L3MBTL4: variants seen among roughly 807,000 people sequenced by gnomAD.
The protein encoded by L3MBTL4 is L3MBTL histone methyl-lysine binding protein 4, also known as lethal(3)malignant brain tumor-like protein 4.
L3MBTL4 carries 70 observed loss-of-function variants against 84.5 expected under a neutral mutation model. The observed-to-expected ratio is 0.83, with a 90% confidence interval of 0.68 to 1.01. L3MBTL4 has a LOEUF of 1.01. Ranked by LOEUF, L3MBTL4 falls within the 50% of genes least tolerant of loss-of-function variation. The pLI is 0.00. For synonymous variants in L3MBTL4, 274 were observed against 259.8 expected (o/e 1.05, Z -0.52); for missense variants, 715 against 754.8 (o/e 0.95, Z 0.62).
chr18:6,049,941 C>T (rs1027738040), intron 16 of L3MBTL4, among the ~76,000 whole-genome samples: 19 of 152,188 alleles, frequency 1.2e-4, no homozygotes, highest in African/African-American at 4.3e-4. Flanking sequence ...ACAGAGCACA[C>T]CTCTGCAATT....
chr18:6,400,403 A>G (rs1250867529), intron 1 of L3MBTL4, among the ~76,000 whole-genome samples: 1 of 152,082 alleles, frequency 6.6e-6, no homozygotes, highest in African/African-American at 2.4e-5. Flanking sequence ...CCAAAAATCC[A>G]TGGGTTAGGT....
chr18:6,159,765 T>C (rs1051022210), intron 13 of L3MBTL4, among the ~76,000 whole-genome samples: 3 of 152,150 alleles, frequency 2.0e-5, no homozygotes, highest in Non-Finnish European at 2.9e-5. Flanking sequence ...ACTTTATATA[T>C]ACCCTGGTGA....
chr18:6,144,726 G>A (rs1033242348), intron 13 of L3MBTL4, among the ~76,000 whole-genome samples: 20 of 152,178 alleles, frequency 1.3e-4, no homozygotes, highest in African/African-American at 3.1e-4. Context: ...TAACAGGACC[G>A]AAGGGAAAGG....
At chr18:5,982,300 G>A (rs375129937) in intron 16 of L3MBTL4, among the ~76,000 whole-genome samples, 9 of 152,152 alleles carry the variant, frequency 5.9e-5, no homozygotes, top group African/African-American at 1.9e-4. Context: ...CTTGATAGAC[G>A]GCCTAAACAA....
chr18:6,063,741 A>G (rs1447098385), intron 16 of L3MBTL4, among the ~76,000 whole-genome samples: 3 of 151,938 alleles, frequency 2.0e-5, no homozygotes, highest in African/African-American at 7.2e-5. Context: ...AGTACCCTGT[A>G]AATTCTGGAT....
intron 13 of L3MBTL4, among the ~76,000 whole-genome samples, chr18:6,141,718 C>T (rs1017139116): frequency 6.6e-6 from 1 of 152,178 alleles, no homozygotes; most frequent in Non-Finnish European, 1.5e-5. Flanking sequence ...CTGGCCTAAT[C>T]CAAAGCCATC....
intron 1 of L3MBTL4, among the ~76,000 whole-genome samples, chr18:6,337,947 T>C (rs951298126): frequency 6.6e-6 from 1 of 151,874 alleles, no homozygotes; most frequent in South Asian, 2.1e-4. Flanking sequence ...CAATAAGACA[T>C]AGAGCTGACT....
At chr18:6,398,539 G>T (rs2055372161) in intron 1 of L3MBTL4, among the ~76,000 whole-genome samples, 1 of 152,122 alleles carries the variant, frequency 6.6e-6, no homozygotes, top group Admixed American at 6.5e-5. Context: ...CATCACAGAG[G>T]CAAAGAAAGG....
chr18:6,024,630 A>G (rs1002841432), intron 16 of L3MBTL4, among the ~76,000 whole-genome samples: 5 of 152,246 alleles, frequency 3.3e-5, no homozygotes, highest in African/African-American at 9.6e-5. Flanking sequence ...CTAATTAATT[A>G]CTGCTGGTCA....
intron 1 of L3MBTL4, among the ~76,000 whole-genome samples, chr18:6,346,458 T>C (rs113436270): frequency 0.011 from 1,638 of 152,044 alleles, 39 homozygotes; most frequent in African/African-American, 0.037. Context: ...AAGGGGCTAA[T>C]ATACAAAATA....
intron 1 of L3MBTL4, chr18:6,397,397 G>C (rs2055317896): frequency 6.6e-6 from 1 of 152,078 alleles, no homozygotes; most frequent in African/African-American, 2.4e-5. Context: ...AATTTGTTTT[G>C]TTAATAGTTC....
intron 1 of L3MBTL4, among the ~76,000 whole-genome samples, chr18:6,381,552 G>A (rs146241819): frequency 7.7e-4 from 117 of 152,294 alleles, no homozygotes; most frequent in African/African-American, 2.6e-3. Context: ...CTCAGCATTT[G>A]CTTGTCTGTA....
At chr18:6,169,805 C>G (rs7238261) in intron 13 of L3MBTL4, among the ~76,000 whole-genome samples, 11,020 of 151,692 alleles carry the variant, frequency 0.073, 1,351 homozygotes, top group African/African-American at 0.25. Context: ...TTGTGCACAT[C>G]TACCCTAAAA....
rs572959052 is a variant in L3MBTL4 at position 6,046,063 on chromosome 18, A to C, written c.1444+34818T>G. Among the ~76,000 whole-genome samples, 8 of 152,176 alleles carry C rather than the reference A, an allele frequency of 5.3e-5. No individual in the cohort carries two copies. The East Asian group carries it at 1.5e-3, about 29-fold the overall frequency. ...GAAAGATCTATCATGCAAGCAGGAA[A>C]CAAAAATAATATAAGAATAGCAGAG... On this transcript the variant is annotated intron_variant, in intron 16 of 18. Transcript: ENST00000317931.
chr18:6,269,107 T>A (rs1050707931), intron 4 of L3MBTL4, among the ~76,000 whole-genome samples: 1 of 152,170 alleles, frequency 6.6e-6, no homozygotes, highest in Non-Finnish European at 1.5e-5. Context: ...CACCATAAAA[T>A]TAAGTTTGCA....
chr18:6,018,459 C>G (rs1308514964), intron 16 of L3MBTL4, among the ~76,000 whole-genome samples: 1 of 152,142 alleles, frequency 6.6e-6, no homozygotes. Context: ...GACACCAACC[C>G]CTTTTCCTAC....
At chr18:6,051,969 A>G (rs2056858312) in intron 16 of L3MBTL4, among the ~76,000 whole-genome samples, 1 of 152,190 alleles carries the variant, frequency 6.6e-6, no homozygotes, top group Non-Finnish European at 1.5e-5. Context: ...TCCCATCAGT[A>G]GAGACTCTGT....
At chr18:5,971,289 G>A in intron 16 of L3MBTL4, among the ~76,000 whole-genome samples, 1 of 152,238 alleles carries the variant, frequency 6.6e-6, no homozygotes. Flanking sequence ...TGCAGTTGCA[G>A]TGACACAGAA....
At chr18:6,052,488 C>T (rs902725281) in intron 16 of L3MBTL4, among the ~76,000 whole-genome samples, 2 of 152,182 alleles carry the variant, frequency 1.3e-5, no homozygotes, top group Admixed American at 1.3e-4. Context: ...TGAATCAGTA[C>T]TTACTCCCTG....
Sources: gnomAD v4.1 joint callset for allele counts (sites outside exome capture counted in the v4.1 genomes callset) on GRCh38, gnomAD v4.1.1 for gene constraint, MANE v1.5 for transcripts, NCBI Gene and HGNC (gene_info 2026-07-23, HGNC 2026-07-21) for gene names.